The following EEFSEC variants were observed in gnomAD, a reference collection of about 807,000 sequenced individuals.
The protein encoded by EEFSEC is eukaryotic elongation factor, selenocysteine-tRNA specific.
A neutral mutation model predicts 42.1 loss-of-function variants in EEFSEC; 43 were observed. The ratio of observed to expected loss-of-function variants is 1.02; its 90% CI spans 0.80 to 1.32. EEFSEC has a LOEUF of 1.32. Ranked by LOEUF, EEFSEC falls within the 40% of genes most tolerant of loss-of-function variation. The pLI is 0.00. For synonymous variants in EEFSEC, 354 were observed against 339.1 expected (o/e 1.04, Z -0.48); for missense variants, 745 against 803.6 (o/e 0.93, Z 0.88).
intron 6 of EEFSEC, among the ~76,000 whole-genome samples, chr3:128,376,025 C>G (rs1351506586): frequency 1.3e-5 from 2 of 152,256 alleles, no homozygotes; most frequent in Non-Finnish European, 2.9e-5. Context: ...GGACTCAGCC[C>G]TGCCCTCCTT....
chr3:128,243,551 G>T (rs895297793), intron 1 of EEFSEC, among the ~76,000 whole-genome samples: 1 of 152,236 alleles, frequency 6.6e-6, no homozygotes, highest in South Asian at 2.1e-4. Flanking sequence ...GATGTATTAA[G>T]CTGTGCCCAA....
chr3:128,169,470 G>A (rs970618399), intron 1 of EEFSEC, among the ~76,000 whole-genome samples: 9 of 152,140 alleles, frequency 5.9e-5, no homozygotes, highest in Non-Finnish European at 8.8e-5. Context: ...AATAGGACAC[G>A]GTGAGACAGA....
At chr3:128,305,117 AT>A (rs1327409981) in intron 4 of EEFSEC, among the ~76,000 whole-genome samples, 1 of 152,064 alleles carries the variant, frequency 6.6e-6, no homozygotes, top group Non-Finnish European at 1.5e-5. Flanking sequence ...ATTTATTTTT[AT>A]TTTTTTAAAT....
chr3:128,303,048 T>C (rs183284789), intron 4 of EEFSEC, among the ~76,000 whole-genome samples: 374 of 152,324 alleles, frequency 2.5e-3, no homozygotes, highest in Non-Finnish European at 4.6e-3. Context: ...TGTATGAGTA[T>C]ATCCATGGGT....
chr3:128,406,805 C>G (rs764056061), intron 6 of EEFSEC, among the ~76,000 whole-genome samples: 1 of 150,708 alleles, frequency 6.6e-6, no homozygotes, highest in Non-Finnish European at 1.5e-5. Context: ...AGAGTGAGAC[C>G]CTGTCACACA....
intron 2 of EEFSEC, among the ~76,000 whole-genome samples, chr3:128,249,151 C>T (rs996972699): frequency 1.2e-4 from 19 of 152,340 alleles, no homozygotes; most frequent in Non-Finnish European, 2.5e-4. Flanking sequence ...AAGAAACTTT[C>T]TGTCTATAAA....
intron 1 of EEFSEC, among the ~76,000 whole-genome samples, chr3:128,194,019 TGAA>T (rs1340580916): frequency 2.6e-5 from 4 of 152,052 alleles, no homozygotes; most frequent in African/African-American, 9.7e-5. Flanking sequence ...CCAACTTGAA[TGAA>T]GAAGAAAAAA....
chr3:128,367,909 C>A, intron 6 of EEFSEC: 1 of 925,582 alleles, frequency 1.1e-6, no homozygotes, highest in Non-Finnish European at 1.3e-6. Flanking sequence ...GAAAAGCTGC[C>A]TCCTGCGATC....
chr3:128,203,819 C>A (rs2065666473), intron 1 of EEFSEC, among the ~76,000 whole-genome samples: 1 of 152,188 alleles, frequency 6.6e-6, no homozygotes, highest in Non-Finnish European at 1.5e-5. Context: ...CACTGTTATA[C>A]TTGGCCAGTT....
intron 6 of EEFSEC, among the ~76,000 whole-genome samples, chr3:128,383,797 A>G (rs1226630865): frequency 6.6e-6 from 1 of 152,214 alleles, no homozygotes; most frequent in Admixed American, 6.5e-5. Context: ...CAGGCAGGTG[A>G]CAGAAATGAG....
At chr3:128,255,256 G>T (rs1435872390) in intron 2 of EEFSEC, among the ~76,000 whole-genome samples, 1 of 152,130 alleles carries the variant, frequency 6.6e-6, no homozygotes, top group Admixed American at 6.5e-5. Flanking sequence ...ATGAAGAAGG[G>T]CCTCTCGGGG....
downstream of EEFSEC, among the ~76,000 whole-genome samples, chr3:128,409,206 G>A (rs545596176): frequency 5.9e-5 from 9 of 152,358 alleles, no homozygotes; most frequent in African/African-American, 2.2e-4. Flanking sequence ...ATGAACAGAT[G>A]TTCAAACGTT....
chr3:128,403,655 G>A (rs191312163), intron 6 of EEFSEC, among the ~76,000 whole-genome samples: 94 of 152,168 alleles, frequency 6.2e-4, no homozygotes, highest in African/African-American at 2.1e-3. Flanking sequence ...ACCGCACCAC[G>A]CATGGCACAC....
At chr3:128,406,428 G>A (rs1046511426) in intron 6 of EEFSEC, among the ~76,000 whole-genome samples, 3 of 152,130 alleles carry the variant, frequency 2.0e-5, no homozygotes, top group Non-Finnish European at 2.9e-5. Context: ...CAGAGAAATC[G>A]ATTCAGGAGA....
intron 4 of EEFSEC, among the ~76,000 whole-genome samples, chr3:128,308,476 T>C (rs564123580): frequency 2.0e-5 from 3 of 152,348 alleles, no homozygotes; most frequent in Middle Eastern, 3.4e-3. Context: ...CTGGGACTCT[T>C]ATCCCCTCTT....
At chr3:128,214,450 A>C (rs1457480092) in intron 1 of EEFSEC, among the ~76,000 whole-genome samples, 1 of 152,204 alleles carries the variant, frequency 6.6e-6, no homozygotes, top group Admixed American at 6.5e-5. Context: ...ACATATCTTT[A>C]ATTTTGTATT....
intron 4 of EEFSEC, among the ~76,000 whole-genome samples, chr3:128,319,182 C>G (rs570853245): frequency 6.6e-6 from 1 of 152,336 alleles, no homozygotes; most frequent in African/African-American, 2.4e-5. Context: ...CCCCTCCAAC[C>G]CCTTGTCCCA....
At chr3:128,304,262 AAG>A (rs1326669762) in intron 4 of EEFSEC, among the ~76,000 whole-genome samples, 2 of 152,042 alleles carry the variant, frequency 1.3e-5, no homozygotes, top group East Asian at 1.9e-4. Context: ...ATGTAATATA[AAG>A]AGAGTTTACA....
intron 6 of EEFSEC, among the ~76,000 whole-genome samples, chr3:128,384,538 G>A (rs764822470): frequency 2.0e-5 from 3 of 152,152 alleles, no homozygotes; most frequent in East Asian, 1.9e-4. Flanking sequence ...CCCTGTAGGC[G>A]GGCACCCGTC....
Sources: allele counts gnomAD v4.1 joint callset (sites outside exome capture counted in the v4.1 genomes callset), GRCh38; gene constraint gnomAD v4.1.1; transcripts MANE v1.5; gene names NCBI Gene and HGNC (gene_info 2026-07-23, HGNC 2026-07-21).